Variants in WTAP observed in about 807,000 individuals in gnomAD.
WTAP encodes pre-mRNA-splicing regulator WTAP.
In WTAP, 8 loss-of-function variants were observed where a neutral mutation model predicts 50.0. That is an observed-to-expected ratio of 0.16 (90% CI 0.09 to 0.29). The LOEUF is 0.29. WTAP is among the 10% of genes least tolerant of loss of function. The probability of loss-of-function intolerance (pLI) is 1.00; values close to 1 mark genes in which losing one functional copy is unlikely to be tolerated. For synonymous variants in WTAP, 194 were observed against 169.0 expected, an observed-to-expected ratio of 1.15 and a Z score of -1.15; for missense variants, 295 against 470.7, an observed-to-expected ratio of 0.63 and a Z score of 3.45.
chr6:159,755,270 C>A lies in WTAP; in HGVS notation c.850C>A (p.Arg284Ser). The A allele has an allele frequency of 6.2e-7, 1 of 1,614,144 alleles. No individual in the cohort carries two copies. The highest frequency in any genetic ancestry group is 8.5e-7 in the Non-Finnish European group (1 of 1,180,028). The part of the protein sequence containing the change: ...TNGPSNGSSS[R>S]QRTSGSGFHR... ...CGGACCAAGTAATGGTAGCTCCTCC[C>A]GCCAGAGGACGTCTGGGTCTGGATT... is the stretch of plus-strand genomic sequence containing the variant. The change falls in exon 8 of 8, where the codon CGC becomes AGC. Residue 284 changes from arginine to serine, a missense_variant. Coordinates refer to ENST00000621533, the MANE Select transcript of WTAP (RefSeq NM_001270531.2).
chr6:159,753,809 C>T (rs1449365578), intron 7 of WTAP, among the ~76,000 whole-genome samples, 195 bp downstream of exon 7: 1 of 147,424 alleles, frequency 6.8e-6, no homozygotes, highest in African/African-American at 2.7e-5. Context: ...TATCCCCACC[C>T]TCCTAATTCT....
upstream of WTAP, chr6:159,727,009 C>A (rs1281111231): frequency 2.4e-6 from 3 of 1,248,884 alleles, no homozygotes; most frequent in African/African-American, 1.5e-5. Context: ...TCCCTCCGCA[C>A]GAGGCAGCCC....
In WTAP at chr6:159,739,058, C is replaced by G. The variant is rs1418613938; in HGVS notation, c.86+13C>G. ...AGTTAATTCTAAGGTAAAATGTTCT[C>G]TGTTCAAAAACAAAGTCTTTCTATA... On this transcript the variant is annotated intron_variant, in intron 3 of 7. Coordinates refer to ENST00000621533, the MANE Select transcript of WTAP (RefSeq NM_001270531.2). 1 of 1,606,026 alleles carries G rather than the reference C, an allele frequency of 6.2e-7. No homozygotes were observed. Among genetic ancestry groups the G allele is most frequent in the Non-Finnish European group, 8.5e-7 (1 of 1,174,314 alleles).
upstream of WTAP, chr6:159,727,128 C>T (rs1778216023): frequency 2.5e-6 from 3 of 1,195,058 alleles, no homozygotes; most frequent in South Asian, 4.5e-5. Context: ...GCTTCCCTTA[C>T]TGAGCTTGCT....
intron 1 of WTAP, among the ~76,000 whole-genome samples, chr6:159,733,097 A>G (rs1304695209): frequency 2.0e-5 from 3 of 152,174 alleles, no homozygotes; most frequent in Non-Finnish European, 4.4e-5. Flanking sequence ...CACCAGGTTA[A>G]GGTAGTTACA....
chr6:159,747,054 A>G (rs1779617525), intron 5 of WTAP, among the ~76,000 whole-genome samples: 2 of 152,210 alleles, frequency 1.3e-5, no homozygotes, highest in African/African-American at 4.8e-5. Context: ...CAGTGAAACA[A>G]ATATATTCCC....
chr6:159,748,147 G>T lies in WTAP; in HGVS notation c.274-44G>T. 1 of 1,570,508 alleles carries T rather than the reference G, an allele frequency of 6.4e-7. No individual in the cohort carries two copies. The highest frequency in any genetic ancestry group is 1.2e-5 in the South Asian group (1 of 85,536). ...GAGTTTTCCCCACCTTCTTATGTATGTTTCCTTTGATTTGGTCGTAATTGT... is the reference window on the plus strand; with the variant it reads ...GAGTTTTCCCCACCTTCTTATGTATTTTTCCTTTGATTTGGTCGTAATTGT... On this transcript the variant is annotated intron_variant, in intron 5 of 7. Transcript: ENST00000621533. The surrounding 1 kb of genome is among the most constrained non-coding windows in gnomAD (Gnocchi z 5.6).
In WTAP at chr6:159,735,990, G is replaced by A. The variant is rs189990304; in HGVS notation, c.-8-268G>A. Among the ~76,000 whole-genome samples the A allele has an allele frequency of 3.0e-4, 46 of 152,106 alleles. 1 individual carries two copies. In the East Asian group the frequency reaches 8.1e-3, roughly 27 times the overall value. On this transcript the variant is annotated intron_variant, in intron 1 of 7. Transcript: ENST00000621533. ...TTGAATGGCTGATCAGCTTTTTTACGAGGGAATTTGTAAAAACTACCCAAT... is the reference window on the plus strand; with the variant it reads ...TTGAATGGCTGATCAGCTTTTTTACAAGGGAATTTGTAAAAACTACCCAAT...
chr6:159,742,118 T>G lies in WTAP; in HGVS notation c.117T>G (p.Ala39=). The change falls in exon 4 of 8, where the codon GCT becomes GCG. Residue 39 remains alanine (A), a synonymous_variant. Transcript: ENST00000621533. ...AACAATATGAAGCATATGTACAAGC[T>G]TTGGAGGGCAAGTACACAGATCTTA... ...RWKQYEAYVQ[A]LEGKYTDLNS... 1 of 1,608,346 alleles carries G rather than the reference T, an allele frequency of 6.2e-7. No homozygotes were observed.
At chr6:159,727,200 G>A, upstream of WTAP, 3 of 1,237,966 alleles carry the variant, frequency 2.4e-6, no homozygotes, top group South Asian at 4.0e-5. Context: ...GTGTTACCGG[G>A]GAGCAGCTGC....
intron 4 of WTAP, among the ~76,000 whole-genome samples, chr6:159,742,809 A>T (rs191719626): frequency 1.8e-3 from 276 of 152,106 alleles, no homozygotes; most frequent in Non-Finnish European, 3.3e-3. Flanking sequence ...TAATCCCAGC[A>T]CTTTGGGAGG....
In WTAP at chr6:159,732,184, A is replaced by G. The variant is rs1254534161; in HGVS notation, c.-8-4074A>G. 1.3e-5 allele frequency among the ~76,000 whole-genome samples: 2 copies of G among 152,220 alleles called. 1 individual carries two copies. Among genetic ancestry groups the G allele is most frequent in the East Asian group, 3.8e-4 (2 of 5,202 alleles). On this transcript the variant is annotated intron_variant, in intron 1 of 7. Coordinates refer to ENST00000621533, the MANE Select transcript of WTAP (RefSeq NM_001270531.2). ...GTTTGATTGAAAAAAATCCAAATAT[A>G]AATGGACCCATGCAGCTAAAACCTG...
intron 1 of WTAP, among the ~76,000 whole-genome samples, chr6:159,731,888 T>C (rs1157569428): frequency 6.6e-6 from 1 of 152,222 alleles, no homozygotes; most frequent in Non-Finnish European, 1.5e-5. Flanking sequence ...TAATGCCCTT[T>C]AAAAACAGAT....
At chr6:159,754,966 T>C in intron 7 of WTAP, 62 bp from the exon 8 acceptor site, 2 of 1,461,916 alleles carry the variant, frequency 1.4e-6, no homozygotes, top group Middle Eastern at 1.9e-4. Flanking sequence ...TGGCAGGCAC[T>C]AAAGAAACAT....
intron 3 of WTAP, among the ~76,000 whole-genome samples, chr6:159,739,529 C>G (rs182266054): frequency 6.6e-6 from 1 of 152,238 alleles, no homozygotes; most frequent in East Asian, 1.9e-4. Context: ...AAATGTCTTA[C>G]AAAAGCAGAT....
chr6:159,744,101 T>G (rs965166890), intron 5 of WTAP, among the ~76,000 whole-genome samples: 3 of 152,210 alleles, frequency 2.0e-5, no homozygotes, highest in East Asian at 1.9e-4. Context: ...AAAAGAACAT[T>G]TGCTCTTTAT....
chr6:159,754,007 A>AT, intron 7 of WTAP, among the ~76,000 whole-genome samples: 1 of 152,320 alleles, frequency 6.6e-6, no homozygotes, highest in Non-Finnish European at 1.5e-5. Context: ...GAAAGTAATA[A>AT]AGTTGATTGT....
At chr6:159,727,284 G>T (rs1778229311), upstream of WTAP, 2 of 1,282,386 alleles carry the variant, frequency 1.6e-6, no homozygotes, top group Non-Finnish European at 2.0e-6. Flanking sequence ...TCCTGGCGGG[G>T]TTCGGCGGCG....
At chr6:159,736,151 G>T (rs1778899666) in intron 1 of WTAP, 107 bp from the exon 2 acceptor site, 1 of 1,077,252 alleles carries the variant, frequency 9.3e-7, no homozygotes, top group South Asian at 1.5e-5. Flanking sequence ...TTATTCAACA[G>T]TAATTTAGTT....
Sources: allele counts gnomAD v4.1 joint callset (sites outside exome capture counted in the v4.1 genomes callset), GRCh38; gene constraint gnomAD v4.1.1; non-coding constraint Gnocchi (gnomAD v3.1); transcripts MANE v1.5; gene names NCBI Gene and HGNC (gene_info 2026-07-23, HGNC 2026-07-21).